Variants in EP300 observed in about 807,000 individuals in gnomAD.
EP300 encodes histone acetyltransferase p300.
In EP300, 31 loss-of-function variants were observed where a neutral mutation model predicts 264.0. The observed-to-expected ratio is 0.12, with a 90% confidence interval of 0.09 to 0.16. EP300 has a LOEUF of 0.16. EP300 is among the 10% of genes least tolerant of loss of function. The pLI is 1.00. For synonymous variants in EP300, 1,340 were observed against 1,045.4 expected, an observed-to-expected ratio of 1.28 and a Z score of -5.44; for missense variants, 2,766 against 3,052.9, an observed-to-expected ratio of 0.91 and a Z score of 2.21.
rs2059114409 is a variant in EP300 at position 41,162,706 on chromosome 22, C to G, written c.3672-17C>G. On this transcript the variant is annotated splice_polypyrimidine_tract_variant and intron_variant, in intron 20 of 30. Coordinates refer to ENST00000263253, the MANE Select transcript of EP300 (RefSeq NM_001429.4). ...TCTCTATCACTTTTTCTCATTGTGT[C>G]CCTTTTCTCTCCTTAGTACAATAAA... 1.3e-6 allele frequency: 2 copies of G among 1,599,990 alleles called. No individual in the cohort carries two copies. Among genetic ancestry groups the G allele is most frequent in the African/African-American group, 2.7e-5 (2 of 74,694 alleles).
chr22:41,167,814 GTTTTTTTTTTTGTTTTTTTT>G (rs1187595238), intron 23 of EP300, among the ~76,000 whole-genome samples: 7 of 66,208 alleles, frequency 1.1e-4, no homozygotes, highest in Non-Finnish European at 1.8e-4. Flanking sequence ...GTTTGTTTTT[GTTTTTTTTTTTGTTTTTTTT>G]TTTTTTTTTT....
At position 41,152,416 on chromosome 22, in the gene EP300, G is replaced by A. The variant is rs547933694; in HGVS notation, c.3142+66G>A. On this transcript the variant is annotated intron_variant, in intron 16 of 30. Transcript: ENST00000263253. ...AACCAAAGACCCAGGGCAGAATTGC[G>A]GTCATGCCTCTTGGGCCTCAGAAGT... 7.6e-4 allele frequency: 1,181 copies of A among 1,558,366 alleles called. 10 individuals carry two copies. The Middle Eastern group carries it at 7.9e-3, about 10-fold the overall frequency.
At chr22:41,099,961 A>C (rs1253886072) in intron 1 of EP300, among the ~76,000 whole-genome samples, 1 of 152,208 alleles carries the variant, frequency 6.6e-6, no homozygotes, top group Non-Finnish European at 1.5e-5. Context: ...TCACGCCTGT[A>C]ATCCTGGCAC....
chr22:41,144,609 G>A (rs1032089648), intron 10 of EP300, among the ~76,000 whole-genome samples: 3 of 151,348 alleles, frequency 2.0e-5, no homozygotes, highest in African/African-American at 4.9e-5. Context: ...CACCCACCTC[G>A]GCCTCCCAAA....
intron 2 of EP300, among the ~76,000 whole-genome samples, chr22:41,123,599 G>A (rs2058864152): frequency 6.6e-6 from 1 of 152,172 alleles, no homozygotes; most frequent in Non-Finnish European, 1.5e-5. Flanking sequence ...CCTTTGATTG[G>A]TCTTAGCAGA....
rs1173950290 is a variant in EP300 at position 41,117,224 on chromosome 22, A to G, written c.132A>G (p.Pro44=). 2 of 1,614,208 alleles carry G rather than the reference A, an allele frequency of 1.2e-6. No individual in the cohort carries two copies. Among genetic ancestry groups the G allele is most frequent in the Admixed American group, 1.7e-5 (1 of 60,022 alleles). ...GSLFDLEHDL[P]DELINSTELG... is the part of the protein sequence containing the mutation. ...TATTTGACTTGGAGCACGACTTACC[A>G]GATGAATTAATCAACTCTACAGAAT... is the stretch of plus-strand genomic sequence containing the variant. The change falls in exon 2 of 31, where the codon CCA becomes CCG. Residue 44 remains proline (P), a synonymous_variant. Transcript: ENST00000263253.
In EP300 at chr22:41,154,475, G is replaced by A. The variant is rs543251185; in HGVS notation, c.3143-520G>A. Among the ~76,000 whole-genome samples the A allele has an allele frequency of 2.9e-5, 4 of 139,188 alleles. No homozygotes were observed. The Admixed American group carries it at 3.2e-4, about 11-fold the overall frequency. The allele number at this position is 139,188 out of a possible 152,430, so 91.3% of individuals were successfully genotyped here. On this transcript the variant is annotated intron_variant, in intron 16 of 30. Transcript: ENST00000263253. ...CGGCTCACTGCAACATCTGCCTCCC[G>A]AGTTCAAGCAGTTCTCTTGCCTCAA...
At position 41,177,525 on chromosome 22, in the gene EP300, G is replaced by C. The variant is rs112948044; in HGVS notation, c.5814G>C (p.Thr1938=). Residue 1938 remains threonine, a synonymous_variant, in exon 31 of 31, where the codon ACG becomes ACC. Transcript: ENST00000263253. ...TGCAGATTCAGAGAGCAGCGGAGAC[G>C]CAGCGCCAGATGGCCCACGTGCAAA... ...MAMQIQRAAE[T]QRQMAHVQIF... 6.2e-7 allele frequency: 1 copy of C among 1,614,158 alleles called. No homozygotes were observed. Among genetic ancestry groups the C allele is most frequent in the South Asian group, 1.1e-5 (1 of 91,084 alleles).
intron 1 of EP300, among the ~76,000 whole-genome samples, chr22:41,102,350 TTTGAGGAA>T (rs1258355026): frequency 6.6e-6 from 1 of 152,128 alleles, no homozygotes. Flanking sequence ...GGTGGCTGTC[TTTGAGGAA>T]TTGTGTCTGA....
chr22:41,175,387 A>G (rs1429027826), intron 29 of EP300, among the ~76,000 whole-genome samples: 1 of 152,214 alleles, frequency 6.6e-6, no homozygotes, highest in African/African-American at 2.4e-5. Context: ...TTACTTTAAT[A>G]GGTGTTTATA....
At chr22:41,113,782 G>A (rs750065889) in intron 1 of EP300, among the ~76,000 whole-genome samples, 5 of 152,154 alleles carry the variant, frequency 3.3e-5, no homozygotes, top group Non-Finnish European at 7.4e-5. Context: ...TCCTGACCTC[G>A]TGATCCGCCC....
chr22:41,135,054 A>G (rs1333541018), intron 6 of EP300, among the ~76,000 whole-genome samples: 1 of 152,004 alleles, frequency 6.6e-6, no homozygotes, highest in Non-Finnish European at 1.5e-5. Flanking sequence ...GACTAGGCGC[A>G]CACCACCACC....
At chr22:41,112,542 A>T (rs970881651) in intron 1 of EP300, among the ~76,000 whole-genome samples, 10 of 152,124 alleles carry the variant, frequency 6.6e-5, no homozygotes, top group African/African-American at 2.4e-4. Flanking sequence ...ACTATGGCGA[A>T]TGACAGTTTA....
At chr22:41,112,441 T>A (rs768365567) in intron 1 of EP300, among the ~76,000 whole-genome samples, 3 of 146,100 alleles carry the variant, frequency 2.1e-5, no homozygotes, top group Non-Finnish European at 4.5e-5. Flanking sequence ...TCAAGTGATC[T>A]GCCCACCTTG....
At chr22:41,113,157 A>AACCCCCCCCCCCC (rs2058802817) in intron 1 of EP300, among the ~76,000 whole-genome samples, 1 of 92,918 alleles carries the variant, frequency 1.1e-5, no homozygotes, top group African/African-American at 4.4e-5. Context: ...TCAGGATTCC[A>AACCCCCCCCCCCC]CCCCCCCCCC....
At chr22:41,121,195 G>A (rs977229760) in intron 2 of EP300, among the ~76,000 whole-genome samples, 7 of 151,822 alleles carry the variant, frequency 4.6e-5, no homozygotes, top group African/African-American at 1.7e-4. Context: ...TTGTCTGCAG[G>A]ACGCATTTCT....
At chr22:41,114,530 T>G (rs917376585) in intron 1 of EP300, among the ~76,000 whole-genome samples, 1 of 152,040 alleles carries the variant, frequency 6.6e-6, no homozygotes, top group Non-Finnish European at 1.5e-5. Flanking sequence ...AAGGAAAGAG[T>G]AATTCTGTAA....
chr22:41,166,907 A>G (rs1196451352), intron 23 of EP300, among the ~76,000 whole-genome samples: 3 of 152,206 alleles, frequency 2.0e-5, no homozygotes, highest in Admixed American at 6.6e-5. Context: ...TCCTGTTCCT[A>G]TATTTTTCCC....
At chr22:41,156,300 A>G (rs1257624610) in intron 17 of EP300, among the ~76,000 whole-genome samples, 1 of 152,182 alleles carries the variant, frequency 6.6e-6, no homozygotes, top group African/African-American at 2.4e-5. Context: ...GGCGTGAGCC[A>G]CCGCACCCGG....
Sources: gnomAD v4.1 joint callset for allele counts (sites outside exome capture counted in the v4.1 genomes callset) on GRCh38, gnomAD v4.1.1 for gene constraint, MANE v1.5 for transcripts, NCBI Gene and HGNC (gene_info 2026-07-23, HGNC 2026-07-21) for gene names.